The following PCDH15 variants were observed in gnomAD, a reference collection of about 807,000 sequenced individuals.
PCDH15 encodes protocadherin-15.
A neutral mutation model predicts 178.5 loss-of-function variants in PCDH15; 129 were observed. The ratio of observed to expected loss-of-function variants is 0.72; its 90% CI spans 0.63 to 0.84. The LOEUF is 0.84. PCDH15 is among the 40% of genes least tolerant of loss of function. The probability of loss-of-function intolerance (pLI) is 0.00; values close to 1 mark genes in which losing one functional copy is unlikely to be tolerated. For missense variants in PCDH15, 2,230 were observed against 2,099.9 expected (o/e 1.06, Z -1.21); for synonymous variants, 800 against 732.0 (o/e 1.09, Z -1.50).
At chr10:55,535,719 T>C (rs1012988069) in intron 2 of PCDH15, among the ~76,000 whole-genome samples, 3 of 152,094 alleles carry the variant, frequency 2.0e-5, no homozygotes, top group South Asian at 2.1e-4. Context: ...TATTAAAATA[T>C]GGCCAGAGTG....
intron 3 of PCDH15, among the ~76,000 whole-genome samples, chr10:54,466,815 T>C (rs2077550606): frequency 6.6e-6 from 1 of 152,006 alleles, no homozygotes; most frequent in South Asian, 2.1e-4. Context: ...TTCCATTTGT[T>C]TGTGTCCTCT....
At chr10:55,129,740 T>C (rs1837994547) in intron 2 of PCDH15, among the ~76,000 whole-genome samples, 1 of 152,170 alleles carries the variant, frequency 6.6e-6, no homozygotes, top group African/African-American at 2.4e-5. Context: ...ACTTGATAAA[T>C]ACTTATTCGT....
chr10:54,942,307 A>G (rs1406708891), intron 2 of PCDH15, among the ~76,000 whole-genome samples: 1 of 152,054 alleles, frequency 6.6e-6, no homozygotes, highest in Non-Finnish European at 1.5e-5. Flanking sequence ...TGTGGTGCCA[A>G]TGCCACAGGT....
chr10:54,620,815 A>G (rs145564079), intron 2 of PCDH15, among the ~76,000 whole-genome samples: 3 of 152,190 alleles, frequency 2.0e-5, no homozygotes, highest in Admixed American at 6.6e-5. Flanking sequence ...TTCCATTGTC[A>G]TTCTAAGGGA....
At chr10:55,441,340 G>A (rs538449080) in intron 2 of PCDH15, among the ~76,000 whole-genome samples, 2 of 152,206 alleles carry the variant, frequency 1.3e-5, no homozygotes, top group African/African-American at 4.8e-5. Flanking sequence ...CCTAGCCTTT[G>A]TGTTTGTTCT....
At chr10:55,591,675 G>A (rs966860444) in intron 2 of PCDH15, among the ~76,000 whole-genome samples, 1 of 152,076 alleles carries the variant, frequency 6.6e-6, no homozygotes, top group African/African-American at 2.4e-5. Context: ...GAGGAGTAAG[G>A]AGGAATAGGC....
chr10:54,789,421 C>CTG (rs145994068), intron 1 of PCDH15, among the ~76,000 whole-genome samples: 2 of 151,196 alleles, frequency 1.3e-5, no homozygotes, highest in Admixed American at 6.6e-5. Flanking sequence ...GCGGAGATGA[C>CTG]TGTGTGTGTG....
chr10:54,357,815 GA>G (rs1458620827), intron 5 of PCDH15, among the ~76,000 whole-genome samples: 1 of 151,980 alleles, frequency 6.6e-6, no homozygotes, highest in African/African-American at 2.4e-5. Context: ...CCAAAACAGA[GA>G]TATAGATCAA....
intron 2 of PCDH15, among the ~76,000 whole-genome samples, chr10:55,145,887 C>A (rs1389316517): frequency 6.6e-6 from 1 of 151,952 alleles, no homozygotes; most frequent in Non-Finnish European, 1.5e-5. Context: ...GACTGTAAGT[C>A]ACCCTATCAC....
rs142788153 is a variant in PCDH15 at position 54,723,501 on chromosome 10, A to G, written c.-28-59211T>C. Reference sequence around the variant, plus strand: ...CATTTGCCTTAGCAAATAATTTATAATGATGACCCTGAAAGTAAATGCAAC... The same window carrying G: ...CATTTGCCTTAGCAAATAATTTATAGTGATGACCCTGAAAGTAAATGCAAC... On this transcript the variant is annotated intron_variant, in intron 1 of 37. Transcript: ENST00000644397. Among the ~76,000 whole-genome samples the G allele has an allele frequency of 7.2e-5, 11 of 151,864 alleles. No homozygotes were observed. In the Admixed American group the frequency reaches 7.2e-4, roughly 10 times the overall value.
intron 1 of PCDH15, among the ~76,000 whole-genome samples, chr10:54,718,472 T>C (rs2095507740): frequency 6.6e-6 from 1 of 151,906 alleles, no homozygotes; most frequent in African/African-American, 2.4e-5. Context: ...TTATACAGAC[T>C]CTTTAGCCCT....
At chr10:54,421,323 T>C (rs1270626806) in intron 3 of PCDH15, among the ~76,000 whole-genome samples, 8 of 151,808 alleles carry the variant, frequency 5.3e-5, no homozygotes, top group African/African-American at 1.4e-4. Context: ...GTTTTTTTAT[T>C]TGTAGGTTTT....
intron 1 of PCDH15, among the ~76,000 whole-genome samples, chr10:54,793,058 G>T (rs1021465712): frequency 1.3e-5 from 2 of 151,920 alleles, no homozygotes; most frequent in African/African-American, 4.8e-5. Flanking sequence ...GGATGATCTT[G>T]TCAATTGTAG....
chr10:54,451,925 A>G lies in PCDH15; in HGVS notation c.158-72983T>C, dbSNP rs143244788. On this transcript the variant is annotated intron_variant, in intron 3 of 37. Transcript: ENST00000644397. Reference sequence around the variant, plus strand: ...AAGAATAACTATCAAGTATTCCTTTAAGAATTTTTCTTTACAGGCTAGTCA... The same window carrying G: ...AAGAATAACTATCAAGTATTCCTTTGAGAATTTTTCTTTACAGGCTAGTCA... Among the ~76,000 whole-genome samples, 6 of 152,142 alleles carry G rather than the reference A, an allele frequency of 3.9e-5. No individual in the cohort carries two copies. In the East Asian group the frequency reaches 1.2e-3, roughly 29 times the overall value.
At chr10:54,115,606 AC>A (rs1270569472) in intron 15 of PCDH15, among the ~76,000 whole-genome samples, 1 of 152,100 alleles carries the variant, frequency 6.6e-6, no homozygotes, top group Non-Finnish European at 1.5e-5. Context: ...CAGCCTTACA[AC>A]CCTGAAGGAC....
intron 1 of PCDH15, among the ~76,000 whole-genome samples, chr10:55,178,444 C>A (rs150006822): frequency 4.0e-4 from 61 of 152,280 alleles, no homozygotes; most frequent in African/African-American, 1.4e-3. Context: ...CATCCAGCAG[C>A]TTTCAGCCAA....
chr10:55,395,151 A>T (rs1257291003), intron 2 of PCDH15, among the ~76,000 whole-genome samples: 2 of 151,098 alleles, frequency 1.3e-5, no homozygotes, highest in Admixed American at 6.6e-5. Flanking sequence ...ATGACTACAG[A>T]CATTTCTATT....
intron 3 of PCDH15, among the ~76,000 whole-genome samples, chr10:54,440,516 T>C (rs1930171): frequency 0.49 from 74,258 of 151,774 alleles, 19,244 homozygotes; most frequent in Non-Finnish European, 0.58. Context: ...ATTTGGCATA[T>C]TTTTTAATGC....
At chr10:55,141,719 G>C (rs1197650168) in intron 2 of PCDH15, among the ~76,000 whole-genome samples, 2 of 151,962 alleles carry the variant, frequency 1.3e-5, no homozygotes, top group Non-Finnish European at 2.9e-5. Flanking sequence ...TACAATTTTT[G>C]TAAGCTGTTC....
Sources: allele counts gnomAD v4.1 joint callset (sites outside exome capture counted in the v4.1 genomes callset), GRCh38; gene constraint gnomAD v4.1.1; transcripts MANE v1.5; gene names NCBI Gene and HGNC (gene_info 2026-07-23, HGNC 2026-07-21).